OPA1: variants seen among roughly 807,000 people sequenced by gnomAD.
OPA1 encodes the protein OPA1 mitochondrial dynamin like GTPase, also known as dynamin-like GTPase OPA1, mitochondrial.
In OPA1, 59 loss-of-function variants were observed where a neutral mutation model predicts 152.9. That is an observed-to-expected ratio of 0.39 (90% CI 0.31 to 0.48). OPA1 has a LOEUF of 0.48. OPA1 is among the 20% of genes least tolerant of loss of function. The probability of loss-of-function intolerance (pLI) is 0.96; values close to 1 mark genes in which losing one functional copy is unlikely to be tolerated. For synonymous variants in OPA1, 400 were observed against 389.9 expected, an observed-to-expected ratio of 1.03 and a Z score of -0.31; for missense variants, 1,008 against 1,216.8, an observed-to-expected ratio of 0.83 and a Z score of 2.55.
chr3:193,679,291 CTCAT>C (rs1719742968), intron 29 of OPA1, among the ~76,000 whole-genome samples: 4 of 147,216 alleles, frequency 2.7e-5, no homozygotes, highest in Admixed American at 2.0e-4. Context: ...GGTTTCAAAA[CTCAT>C]AAAGAAAGAG....
chr3:193,627,437 T>C (rs1290488967), intron 7 of OPA1: 1 of 152,332 alleles, frequency 6.6e-6, no homozygotes, highest in Non-Finnish European at 1.5e-5. Flanking sequence ...CCCTGTTCTG[T>C]ATACTGTGAA....
At chr3:193,598,457 C>T (rs1038781889) in intron 1 of OPA1, among the ~76,000 whole-genome samples, 1 of 151,958 alleles carries the variant, frequency 6.6e-6, no homozygotes, top group Non-Finnish European at 1.5e-5. Context: ...TTTTGAGGGC[C>T]CTGTTGAGAT....
chr3:193,605,290 T>G (rs188677982), intron 1 of OPA1, among the ~76,000 whole-genome samples: 13 of 152,324 alleles, frequency 8.5e-5, no homozygotes, highest in Admixed American at 7.2e-4. Flanking sequence ...TATTACAATT[T>G]TATTAATTGC....
At chr3:193,679,280 A>T (rs1446842057) in intron 29 of OPA1, among the ~76,000 whole-genome samples, 1 of 142,376 alleles carries the variant, frequency 7.0e-6, no homozygotes, top group African/African-American at 2.5e-5. Context: ...GGGAAAAAAA[A>T]GGTTTCAAAA....
chr3:193,639,178 G>A (rs1216066806), intron 11 of OPA1, among the ~76,000 whole-genome samples: 3 of 152,138 alleles, frequency 2.0e-5, no homozygotes, highest in Admixed American at 2.0e-4. Context: ...TTTACGGAAT[G>A]CTTAATATGT....
intron 1 of OPA1, 110 bp downstream of exon 1, chr3:193,593,519 G>T: frequency 9.0e-7 from 1 of 1,110,796 alleles, no homozygotes; most frequent in Non-Finnish European, 1.2e-6. Context: ...CAGGCCGACG[G>T]CAGTTGGAGA....
At chr3:193,669,035 T>C (rs1717325021) in intron 29 of OPA1, 1 of 231,474 alleles carries the variant, frequency 4.3e-6, no homozygotes, top group South Asian at 1.4e-4. Context: ...TCTTATTAGT[T>C]TTCTGATATC....
chr3:193,623,966 T>C (rs553676644), intron 6 of OPA1, among the ~76,000 whole-genome samples: 2 of 152,142 alleles, frequency 1.3e-5, no homozygotes, highest in Non-Finnish European at 2.9e-5. Context: ...TTTCAGGAGG[T>C]CAATTTCAGT....
chr3:193,696,506 A>G lies in OPA1; in HGVS notation c.*1906A>G, dbSNP rs1167424658. On this transcript the variant is annotated 3_prime_UTR_variant, in exon 31 of 31. Transcript: ENST00000361510. Reference sequence around the variant, plus strand: ...GCCCCACAGTAATGTGGCTTCTTTCATGGGTTTTTTTTTCTTCTTTTTAGC... The same window carrying G: ...GCCCCACAGTAATGTGGCTTCTTTCGTGGGTTTTTTTTTCTTCTTTTTAGC... 1.3e-5 allele frequency: 2 copies of G among 152,108 alleles called. No individual in the cohort carries two copies. The highest frequency in any genetic ancestry group is 6.5e-5 in the Admixed American group (1 of 15,268). The allele number at this position is 152,108 out of a possible 1,614,324, so 9.4% of individuals were successfully genotyped here. A position where few individuals can be genotyped will look rare whatever the true frequency, so the allele number is the denominator to read the frequency against.
chr3:193,695,083 A>G lies in OPA1; in HGVS notation c.*483A>G, dbSNP rs1055548309. 5 of 152,208 alleles carry G rather than the reference A, an allele frequency of 3.3e-5. No homozygotes were observed. Among genetic ancestry groups the G allele is most frequent in the African/African-American group, 1.2e-4 (5 of 41,456 alleles). 9.4% of individuals were successfully genotyped at this position (152,208 alleles called of 1,614,324 possible). On this transcript the variant is annotated 3_prime_UTR_variant, in exon 31 of 31. Coordinates refer to ENST00000361510, the MANE Select transcript of OPA1 (RefSeq NM_130837.3). ...TCATTGTATGTGTCTGTAGTATTCT[A>G]TTCCCAGAAACTATTTGACCATGAT...
chr3:193,657,275 A>G (rs1215967516), intron 23 of OPA1, 43 bp downstream of exon 23: 3 of 1,587,936 alleles, frequency 1.9e-6, no homozygotes, highest in Non-Finnish European at 2.6e-6. Context: ...ATATTTTTAT[A>G]TAACTTCTCA....
chr3:193,684,138 A>G (rs1334997228), intron 29 of OPA1, among the ~76,000 whole-genome samples: 1 of 152,182 alleles, frequency 6.6e-6, no homozygotes, highest in Non-Finnish European at 1.5e-5. Context: ...GTTAGATGAT[A>G]CAATGAATCT....
At chr3:193,646,306 C>T (rs1159146797) in intron 18 of OPA1, among the ~76,000 whole-genome samples, 2 of 152,156 alleles carry the variant, frequency 1.3e-5, no homozygotes, top group African/African-American at 2.4e-5. Flanking sequence ...TAGGTTAGTA[C>T]GGTAAGTCAA....
At chr3:193,617,911 T>A in intron 5 of OPA1, 74 bp downstream of exon 5, 1 of 1,044,786 alleles carries the variant, frequency 9.6e-7, no homozygotes, top group South Asian at 1.3e-5. Flanking sequence ...GCAAATAAAA[T>A]TGCAGACCAA....
intron 10 of OPA1, 121 bp from the exon 11 acceptor site, chr3:193,637,831 A>G: frequency 1.2e-6 from 1 of 822,584 alleles, no homozygotes; most frequent in Non-Finnish European, 2.0e-6. Context: ...GGATTTTAAA[A>G]TATTTTTTCA....
Position 193,654,849 on chromosome 3 carries a change from T to G in OPA1, c.2013-13T>G, listed in dbSNP as rs1713417824. The G allele has an allele frequency of 6.2e-7, 1 of 1,612,476 alleles. No homozygotes were observed. The highest frequency in any genetic ancestry group is 1.3e-5 in the African/African-American group (1 of 74,890). On this transcript the variant is annotated splice_polypyrimidine_tract_variant and intron_variant, in intron 21 of 30. Coordinates refer to ENST00000361510, the MANE Select transcript of OPA1 (RefSeq NM_130837.3). ...TATTTAGATTTGGTGCTTTTGATAC[T>G]TTTTTATTTCAGGGAGGAAATCCTT...
chr3:193,678,716 A>G (rs1485369203), intron 29 of OPA1, among the ~76,000 whole-genome samples: 1 of 152,180 alleles, frequency 6.6e-6, no homozygotes, highest in Non-Finnish European at 1.5e-5. Context: ...GTAGCATAGC[A>G]TGTACTGAAA....
chr3:193,637,257 T>C lies in OPA1; in HGVS notation c.1011T>C (p.Tyr337=), dbSNP rs764356635. ...TTCTCTCTGATTATGATGCCAGTTA[T>C]AATACGCAAGATCATCTGCCACGGG... ...LDVLSDYDAS[Y]NTQDHLPRVV... Residue 337 remains tyrosine, a synonymous_variant, in exon 10 of 31, where the codon TAT becomes TAC. Coordinates refer to ENST00000361510, the MANE Select transcript of OPA1 (RefSeq NM_130837.3). The C allele has an allele frequency of 6.8e-6, 11 of 1,607,546 alleles. No homozygotes were observed. Among genetic ancestry groups the C allele is most frequent in the Non-Finnish European group, 8.5e-6 (10 of 1,175,298 alleles).
At position 193,654,855 on chromosome 3, in the gene OPA1, A is replaced by C; in HGVS notation, c.2013-7A>C. 1 of 1,613,228 alleles carries C rather than the reference A, an allele frequency of 6.2e-7. No individual in the cohort carries two copies. The highest frequency in any genetic ancestry group is 8.5e-7 in the Non-Finnish European group (1 of 1,179,536). On this transcript the variant is annotated splice_region_variant and splice_polypyrimidine_tract_variant and intron_variant, in intron 21 of 30. Coordinates refer to ENST00000361510, the MANE Select transcript of OPA1 (RefSeq NM_130837.3). ...GATTTGGTGCTTTTGATACTTTTTT[A>C]TTTCAGGGAGGAAATCCTTCAACAA... is the stretch of plus-strand genomic sequence containing the variant.
Sources: allele counts gnomAD v4.1 joint callset (sites outside exome capture counted in the v4.1 genomes callset), GRCh38; gene constraint gnomAD v4.1.1; transcripts MANE v1.5; gene names NCBI Gene and HGNC (gene_info 2026-07-23, HGNC 2026-07-21).